TADA2A: variants seen among roughly 807,000 people sequenced by gnomAD.
TADA2A encodes transcriptional adaptor 2A, also known as transcriptional adapter 2-alpha.
In TADA2A, 38 loss-of-function variants were observed where a neutral mutation model predicts 67.4. That is an observed-to-expected ratio of 0.56 (90% CI 0.44 to 0.74). The LOEUF (loss-of-function observed/expected upper bound fraction) is 0.74, where lower values mean the gene tolerates loss of function less well. Ranked by LOEUF, TADA2A falls within the 30% of genes least tolerant of loss-of-function variation. TADA2A has a pLI of 0.00. For missense variants in TADA2A, 454 were observed against 547.0 expected (o/e 0.83, Z 1.70); for synonymous variants, 192 against 181.6 (o/e 1.06, Z -0.46).
intron 9 of TADA2A, among the ~76,000 whole-genome samples, chr17:37,460,683 A>G (rs1157656392): frequency 6.6e-6 from 1 of 152,268 alleles, no homozygotes; most frequent in East Asian, 1.9e-4. Context: ...ATCAAAAAGT[A>G]TACATTCAGA....
At chr17:37,475,051 A>C in intron 15 of TADA2A, among the ~76,000 whole-genome samples, 1 of 152,226 alleles carries the variant, frequency 6.6e-6, no homozygotes, top group East Asian at 1.9e-4. Flanking sequence ...CATAATCATT[A>C]TTTAAAACAT....
chr17:37,474,465 C>A, intron 14 of TADA2A, 91 bp from the exon 15 acceptor site: 1 of 1,222,892 alleles, frequency 8.2e-7, no homozygotes, highest in Non-Finnish European at 1.2e-6. Context: ...CTATACCTAA[C>A]TGGCCTGGCT....
intron 4 of TADA2A, among the ~76,000 whole-genome samples, chr17:37,427,593 A>ATACG (rs1374297549): frequency 6.6e-6 from 1 of 152,228 alleles, no homozygotes; most frequent in Non-Finnish European, 1.5e-5. Context: ...GAGTGTTCGT[A>ATACG]GTGTCCTTCC....
chr17:37,448,803 T>C (rs2053153351), intron 8 of TADA2A, among the ~76,000 whole-genome samples: 1 of 152,196 alleles, frequency 6.6e-6, no homozygotes, highest in Admixed American at 6.5e-5. Context: ...TCACAATTTC[T>C]TCTCCCTCTG....
At chr17:37,415,546 T>C (rs1368631922) in intron 2 of TADA2A, among the ~76,000 whole-genome samples, 1 of 152,116 alleles carries the variant, frequency 6.6e-6, no homozygotes, top group East Asian at 1.9e-4. Context: ...AATGCCCCTC[T>C]ATATGAGTTG....
chr17:37,465,384 G>A, intron 10 of TADA2A, 47 bp from the exon 11 acceptor site: 1 of 1,441,750 alleles, frequency 6.9e-7, no homozygotes. Flanking sequence ...AAAACTCAGG[G>A]ATCCTTACAT....
chr17:37,432,509 A>C (rs1568147221), intron 4 of TADA2A, among the ~76,000 whole-genome samples: 1 of 152,148 alleles, frequency 6.6e-6, no homozygotes, highest in Non-Finnish European at 1.5e-5. Flanking sequence ...TGTGTATGTT[A>C]CTGGTACATT....
chr17:37,456,025 G>A (rs983731789), intron 8 of TADA2A, among the ~76,000 whole-genome samples: 11 of 152,082 alleles, frequency 7.2e-5, no homozygotes, highest in East Asian at 1.9e-4. Flanking sequence ...CCAATATGGC[G>A]AAACCCTGTC....
rs529764648 is a variant in TADA2A, at chr17:37,439,966, G to A, written c.285-539G>A. Among the ~76,000 whole-genome samples the A allele has an allele frequency of 4.8e-3, 666 of 138,190 alleles. 3 individuals are homozygous for A. Among genetic ancestry groups the A allele is most frequent in the Non-Finnish European group, 7.8e-3 (501 of 64,622 alleles). 90.7% of individuals were successfully genotyped at this position (138,190 alleles called of 152,430 possible). A position where few individuals can be genotyped will look rare whatever the true frequency, so the allele number is the denominator to read the frequency against. ...TATTATTTTTTTTTTTTTTTGAGAT[G>A]GAGTTTCGCTCTTGTTGCCCAGACT... is the stretch of plus-strand genomic sequence containing the variant. On this transcript the variant is annotated intron_variant, in intron 5 of 15. Coordinates refer to ENST00000615182, the MANE Select transcript of TADA2A (RefSeq NM_001166105.3).
intron 8 of TADA2A, chr17:37,454,679 CA>C: frequency 3.4e-6 from 1 of 292,738 alleles, no homozygotes; most frequent in Non-Finnish European, 7.1e-6. Flanking sequence ...GGAAGAAATT[CA>C]AAAGAAAAGA....
At chr17:37,427,568 TTAAAGAAGG>T (rs2052445462) in intron 4 of TADA2A, among the ~76,000 whole-genome samples, 1 of 152,170 alleles carries the variant, frequency 6.6e-6, no homozygotes, top group Non-Finnish European at 1.5e-5. Flanking sequence ...AATGCCACAC[TTAAAGAAGG>T]AATAAGAGTG....
chr17:37,476,445 A>G (rs2053893818), intron 15 of TADA2A, among the ~76,000 whole-genome samples: 1 of 152,122 alleles, frequency 6.6e-6, no homozygotes, highest in Admixed American at 6.5e-5. Context: ...TTCCCTGACC[A>G]TTGGTGCTGG....
chr17:37,413,180 G>A (rs967551319), intron 2 of TADA2A, among the ~76,000 whole-genome samples: 5 of 152,128 alleles, frequency 3.3e-5, no homozygotes, highest in Admixed American at 3.3e-4. Flanking sequence ...ACCAGCCTTG[G>A]CCTCCCAAAG....
At chr17:37,445,791 G>C (rs1355368210) in intron 8 of TADA2A, among the ~76,000 whole-genome samples, 6 of 151,742 alleles carry the variant, frequency 4.0e-5, no homozygotes, top group Non-Finnish European at 7.4e-5. Flanking sequence ...AATTGAATAT[G>C]ATACAGTAGA....
chr17:37,418,667 C>G (rs1442594514), intron 2 of TADA2A, among the ~76,000 whole-genome samples: 1 of 150,684 alleles, frequency 6.6e-6, no homozygotes, highest in Non-Finnish European at 1.5e-5. Flanking sequence ...TCTCGGCTCA[C>G]TGCAACCTCC....
intron 4 of TADA2A, among the ~76,000 whole-genome samples, chr17:37,429,210 G>A (rs1377138785): frequency 6.6e-6 from 1 of 151,886 alleles, no homozygotes; most frequent in African/African-American, 2.4e-5. Flanking sequence ...AAAGTGCTGG[G>A]ATTACAGGTG....
At position 37,430,583 on chromosome 17, in the gene TADA2A, A is replaced by G. The variant is rs537681908; in HGVS notation, c.192+3574A>G. On this transcript the variant is annotated intron_variant, in intron 4 of 15. Transcript: ENST00000615182. ...AGCTCTTTCTGCCACACCCTTTTAT[A>G]CCAGTGATTCTTAAACTTCAGTACA... Among the ~76,000 whole-genome samples, 175 of 152,252 alleles carry G rather than the reference A, an allele frequency of 1.1e-3. 1 individual carries two copies. Among genetic ancestry groups the G allele is most frequent in the African/African-American group, 4.2e-3 (173 of 41,532 alleles).
At chr17:37,476,434 C>T (rs1734805983) in intron 15 of TADA2A, among the ~76,000 whole-genome samples, 1 of 152,196 alleles carries the variant, frequency 6.6e-6, no homozygotes, top group African/African-American at 2.4e-5. Context: ...CCCCATGGCT[C>T]TTCCCTGACC....
intron 15 of TADA2A, among the ~76,000 whole-genome samples, chr17:37,475,553 A>G (rs947538539): frequency 1.3e-5 from 2 of 149,440 alleles, no homozygotes; most frequent in African/African-American, 4.9e-5. Flanking sequence ...GCTCACTGCA[A>G]CCTCTGCCTC....
Sources: allele counts gnomAD v4.1 joint callset (sites outside exome capture counted in the v4.1 genomes callset), GRCh38; gene constraint gnomAD v4.1.1; transcripts MANE v1.5; gene names NCBI Gene and HGNC (gene_info 2026-07-23, HGNC 2026-07-21).